Variants in ATP8B3 observed in about 807,000 individuals in gnomAD.
ATP8B3 encodes the protein phospholipid-transporting ATPase IK.
ATP8B3 carries 141 observed loss-of-function variants against 140.9 expected under a neutral mutation model. The observed-to-expected ratio is 1.00, with a 90% CI of 0.87 to 1.15. ATP8B3 has a LOEUF of 1.15. Ranked by LOEUF, ATP8B3 falls within the 50% of genes most tolerant of loss-of-function variation. ATP8B3 has a pLI of 0.00. For missense variants in ATP8B3, 1,874 were observed against 1,740.6 expected, an observed-to-expected ratio of 1.08 and a Z score of -1.36; for synonymous variants, 765 against 714.6, an observed-to-expected ratio of 1.07 and a Z score of -1.13.
Position 1,790,821 on chromosome 19 carries a change from T to TCA in ATP8B3, c.2312_2313dup (p.Asn772Ter). 6.2e-7 allele frequency: 1 copy of TCA among 1,601,134 alleles called. No individual in the cohort carries two copies. Among genetic ancestry groups the TCA allele is most frequent in the South Asian group, 1.1e-5 (1 of 88,680 alleles). On this transcript the variant is annotated frameshift_variant, in exon 21 of 29. Coordinates refer to ENST00000310127, the MANE Select transcript of ATP8B3 (RefSeq NM_138813.4). LOFTEE classifies it high-confidence loss of function. ...AGCAGCTCGCAGGCGAAGCCGATGT[T>TCA]CACAGCCGTTTCTGCGAAGCAGACC...
Position 1,811,811 on chromosome 19 carries a change from C to A in ATP8B3, c.-75G>T, listed in dbSNP as rs1327151488. ...TGGGACGGGGGAGAGGTGGGGGAGA[C>A]CCCCGTGGGGGCAGACTGGGGATTG... On this transcript the variant is annotated 5_prime_UTR_variant, in exon 2 of 29. Transcript: ENST00000310127. 58 of 1,455,312 alleles carry A rather than the reference C, an allele frequency of 4.0e-5. No homozygotes were observed. Among genetic ancestry groups the A allele is most frequent in the Non-Finnish European group, 5.0e-5 (55 of 1,097,752 alleles). 90.1% of individuals were successfully genotyped at this position (1,455,312 alleles called of 1,614,324 possible). A position where few individuals can be genotyped will look rare whatever the true frequency, so the allele number is the denominator to read the frequency against.
chr19:1,808,304 A>C lies in ATP8B3; in HGVS notation c.434T>G (p.Phe145Cys), dbSNP rs1374102714. ...CAGGTTCAGCGGCAGGAACGAGTAG[A>C]AGTTGTACTTGGCCGTGCGGATGAC... is the stretch of plus-strand genomic sequence containing the variant. ...TNVIRTAKYN[F>C]YSFLPLNLYE... is the part of the protein sequence containing the mutation. Residue 145 changes from phenylalanine (F) to cysteine (C), a missense_variant, in exon 5 of 29, where the codon TTC becomes TGC. Phe to Cys is a radical substitution (Grantham distance 205). Coordinates refer to ENST00000310127, the MANE Select transcript of ATP8B3 (RefSeq NM_138813.4). The C allele has an allele frequency of 1.9e-6, 3 of 1,612,798 alleles. No individual in the cohort carries two copies. The highest frequency in any genetic ancestry group is 2.5e-6 in the Non-Finnish European group (3 of 1,179,586).
chr19:1,810,215 C>T lies in ATP8B3; in HGVS notation c.310+407G>A, dbSNP rs543980913. Among the ~76,000 whole-genome samples the T allele has an allele frequency of 2.5e-3, 378 of 152,346 alleles. 2 individuals are homozygous for T. The highest frequency in any genetic ancestry group is 4.6e-3 in the Non-Finnish European group (316 of 68,032). ...AATGAGAATCCTAGGCAAGGCCTGA[C>T]GTGCAGGTCTGGGGGCCCCAGCCCG... On this transcript the variant is annotated intron_variant, in intron 3 of 28. Coordinates refer to ENST00000310127, the MANE Select transcript of ATP8B3 (RefSeq NM_138813.4).
rs770194422 is a variant in ATP8B3, at chr19:1,802,479, AGCCG to A, written c.1063+4_1063+7del. The A allele has an allele frequency of 7.3e-7, 1 of 1,372,052 alleles. No homozygotes were observed. The highest frequency in any genetic ancestry group is 1.9e-5 in the African/African-American group (1 of 52,468). The allele number at this position is 1,372,052 out of a possible 1,614,324, so 85.0% of individuals were successfully genotyped here. A position where few individuals can be genotyped will look rare whatever the true frequency, so the allele number is the denominator to read the frequency against. On this transcript the variant is annotated splice_donor_5th_base_variant and intron_variant, in intron 11 of 28. Transcript: ENST00000310127. ...AGCTCCCACTCCAGGACCCTGGAGC[AGCCG>A]TACCAGCATAAATGACCAGTCCATA...
Position 1,786,557 on chromosome 19 carries a change from C to T in ATP8B3, c.3153+546G>A, listed in dbSNP as rs558957715. Among the ~76,000 whole-genome samples, 31 of 136,798 alleles carry T rather than the reference C, an allele frequency of 2.3e-4. No individual in the cohort carries two copies. In the South Asian group the frequency reaches 7.3e-3, roughly 32 times the overall value. The allele number at this position is 136,798 out of a possible 152,430, so 89.7% of individuals were successfully genotyped here. A position where few individuals can be genotyped will look rare whatever the true frequency, so the allele number is the denominator to read the frequency against. On this transcript the variant is annotated intron_variant, in intron 25 of 28. Coordinates refer to ENST00000310127, the MANE Select transcript of ATP8B3 (RefSeq NM_138813.4). ...CTCCAGCCTGGGCGACAGAGCGAGA[C>T]CCTGTCTCAAAAAAAAAAAAAAAAA...
Position 1,789,586 on chromosome 19 carries a change from C to G in ATP8B3, c.2620G>C (p.Gly874Arg). The change falls in exon 23 of 29, where the codon GGG becomes CGG. Residue 874 changes from glycine (G) to arginine (R), a missense_variant. Physicochemically the swap from Gly to Arg is moderately radical, Grantham distance 125 (BLOSUM62 -2). Coordinates refer to ENST00000310127, the MANE Select transcript of ATP8B3 (RefSeq NM_138813.4). Reference protein sequence around the residue: ...RRLSLLCRRFGLPLAAPPAQD... With the variant: ...RRLSLLCRRFRLPLAAPPAQD... ...GCTGGCGGTGCAGCCAGCGGGAGCC[C>G]GAACCTCCGGCACAGCAGGGACAGG... The G allele has an allele frequency of 2.5e-6, 4 of 1,592,994 alleles. No individual in the cohort carries two copies. The highest frequency in any genetic ancestry group is 3.4e-6 in the Non-Finnish European group (4 of 1,174,978).
chr19:1,794,363 C>G lies in ATP8B3; in HGVS notation c.2055+1512G>C, dbSNP rs1276509728. Among the ~76,000 whole-genome samples, 6 of 152,176 alleles carry G rather than the reference C, an allele frequency of 3.9e-5. No individual in the cohort carries two copies. Among genetic ancestry groups the G allele is most frequent in the African/African-American group, 1.4e-4 (6 of 41,446 alleles). Reference sequence around the variant, plus strand: ...AGCTGACCTGCTGAGCTCCTGGGCTCTAGGTCATTATTGTGACCGCACTTC... The same window carrying G: ...AGCTGACCTGCTGAGCTCCTGGGCTGTAGGTCATTATTGTGACCGCACTTC... On this transcript the variant is annotated intron_variant, in intron 18 of 28. Coordinates refer to ENST00000310127, the MANE Select transcript of ATP8B3 (RefSeq NM_138813.4). This position sits in a 1 kb window ranked among gnomAD's most constrained non-coding sequence, Gnocchi z 4.8.
chr19:1,785,035 G>A, intron 27 of ATP8B3, 89 bp from the exon 28 acceptor site: 1 of 1,508,982 alleles, frequency 6.6e-7, no homozygotes, highest in East Asian at 2.4e-5. Flanking sequence ...TTTGTGCCTG[G>A]TCCATAAAGG....
chr19:1,796,115 A>C lies in ATP8B3; in HGVS notation c.1904T>G (p.Met635Arg), dbSNP rs61749070. The C allele has an allele frequency of 3.7e-6, 6 of 1,612,874 alleles. No individual in the cohort carries two copies. The African/African-American group carries it at 6.7e-5, about 18-fold the overall frequency. Residue 635 changes from methionine (M) to arginine (R), a missense_variant, in exon 17 of 29, where the codon ATG becomes AGG. Around this residue, in one of 3 missense-constraint regions of ATP8B3, gnomAD observed 1,032 missense variants for 963.6 expected, o/e 1.07. Coordinates refer to ENST00000310127, the MANE Select transcript of ATP8B3 (RefSeq NM_138813.4). ...EERVYQVLAIMDFNSTRKRMS... is the reference protein window; with the variant it reads ...EERVYQVLAIRDFNSTRKRMS... ...CCGTTTGCGCGTGCTGTTGAAGTCC[A>C]TTATGGCCAGGACCTGGTAGACCCG...
Position 1,783,119 on chromosome 19 carries a change from C to T in ATP8B3, c.3812G>A (p.Arg1271Gln), listed in dbSNP as rs537116654. Residue 1271 changes from arginine (R) to glutamine (Q), a missense_variant, in exon 29 of 29, where the codon CGG (arginine) becomes CAG (glutamine). By Grantham distance (43) the Arg-to-Gln change is conservative. Coordinates refer to ENST00000310127, the MANE Select transcript of ATP8B3 (RefSeq NM_138813.4). Reference sequence around the variant, plus strand: ...GTCACTGCTGACCCCTGGTCCCCTCCGCAGAATTGTGCCCTGAGTGATGAG... The same window carrying T: ...GTCACTGCTGACCCCTGGTCCCCTCTGCAGAATTGTGCCCTGAGTGATGAG... ...ANLITQGTIL[R>Q]RGPGVSSDIA... 1.4e-5 allele frequency: 22 copies of T among 1,613,542 alleles called. No individual in the cohort carries two copies. Among genetic ancestry groups the T allele is most frequent in the African/African-American group, 8.0e-5 (6 of 74,922 alleles).
In ATP8B3 at chr19:1,805,066, C is replaced by T; in HGVS notation, c.904+308G>A. 2.5e-6 allele frequency: 1 copy of T among 404,988 alleles called. No homozygotes were observed. Among genetic ancestry groups the T allele is most frequent in the Non-Finnish European group, 4.7e-6 (1 of 212,840 alleles). 25.1% of individuals were successfully genotyped at this position (404,988 alleles called of 1,614,324 possible). A position where few individuals can be genotyped will look rare whatever the true frequency, so the allele number is the denominator to read the frequency against. On this transcript the variant is annotated intron_variant, in intron 10 of 28. Transcript: ENST00000310127. The surrounding 1 kb of genome is among the most constrained non-coding windows in gnomAD (Gnocchi z 5.2). Reference sequence around the variant, plus strand: ...CACAGCTCACTGCAGCCTCAGCCTCCCTGAGCTCAAGCGAGCCTCCCACCT... The same window carrying T: ...CACAGCTCACTGCAGCCTCAGCCTCTCTGAGCTCAAGCGAGCCTCCCACCT...
In ATP8B3 at chr19:1,794,703, A is replaced by G. The variant is rs2068614648; in HGVS notation, c.2055+1172T>C. On this transcript the variant is annotated intron_variant, in intron 18 of 28. Coordinates refer to ENST00000310127, the MANE Select transcript of ATP8B3 (RefSeq NM_138813.4). The surrounding 1 kb of genome is among the most constrained non-coding windows in gnomAD (Gnocchi z 4.8). ...GCAGGGAAGACCCTCCCAGCACAGGAAACAGCATGTGCAAAGGTGCCAAGG... is the reference window on the plus strand; with the variant it reads ...GCAGGGAAGACCCTCCCAGCACAGGGAACAGCATGTGCAAAGGTGCCAAGG... Among the ~76,000 whole-genome samples, 6 of 152,136 alleles carry G rather than the reference A, an allele frequency of 3.9e-5. No homozygotes were observed. In the South Asian group the frequency reaches 1.0e-3, roughly 26 times the overall value.
In ATP8B3 at chr19:1,806,039, G is replaced by C; in HGVS notation, c.750+58C>G. ...GCGGCAGCCCTCCCCACCCTGGGAG[G>C]GGTGCTCTCGGTGAGGGGGCGCGTG... On this transcript the variant is annotated intron_variant, in intron 8 of 28. Transcript: ENST00000310127. The surrounding 1 kb of genome is among the most constrained non-coding windows in gnomAD (Gnocchi z 5.6). The C allele has an allele frequency of 6.2e-7, 1 of 1,605,968 alleles. No individual in the cohort carries two copies. The highest frequency in any genetic ancestry group is 1.3e-5 in the African/African-American group (1 of 74,760).
rs982257336 is a variant in ATP8B3, at chr19:1,810,609, C to A, written c.310+13G>T. The stretch of plus-strand genomic sequence containing the variant: ...CTCCCACCTGCACCGCCCCCTCTGC[C>A]CAGGATCAGCACCTGAGTTCCTGTC... On this transcript the variant is annotated intron_variant, in intron 3 of 28. Coordinates refer to ENST00000310127, the MANE Select transcript of ATP8B3 (RefSeq NM_138813.4). 1 of 1,612,026 alleles carries A rather than the reference C, an allele frequency of 6.2e-7. No homozygotes were observed. Among genetic ancestry groups the A allele is most frequent in the African/African-American group, 1.3e-5 (1 of 74,840 alleles).
chr19:1,805,520 C>A lies in ATP8B3; in HGVS notation c.822-64G>T. The A allele has an allele frequency of 7.4e-7, 1 of 1,357,442 alleles. No homozygotes were observed. Among genetic ancestry groups the A allele is most frequent in the Admixed American group, 2.0e-5 (1 of 50,740 alleles). The allele number at this position is 1,357,442 out of a possible 1,614,324, so 84.1% of individuals were successfully genotyped here. ...ATGGATGCTTCGAGGAGCCCCCAGA[C>A]CCCTTCTGGAGTCACTCAAACATTT... On this transcript the variant is annotated intron_variant, in intron 9 of 28. Transcript: ENST00000310127. This position sits in a 1 kb window ranked among gnomAD's most constrained non-coding sequence, Gnocchi z 5.2.
At chr19:1,783,384 T>C in intron 28 of ATP8B3, 114 bp from the exon 29 acceptor site, 3 of 1,348,578 alleles carry the variant, frequency 2.2e-6, no homozygotes, top group Non-Finnish European at 3.0e-6. Flanking sequence ...ATTGATTGGC[T>C]ACGTTCTTCC....
chr19:1,801,484 C>T (rs1200041412), intron 12 of ATP8B3, among the ~76,000 whole-genome samples: 2 of 152,188 alleles, frequency 1.3e-5, no homozygotes. Context: ...GGCACGGTGG[C>T]TCATGCCTGT....
At position 1,789,532 on chromosome 19, in the gene ATP8B3, C is replaced by T. The variant is rs780406273; in HGVS notation, c.2674G>A (p.Glu892Lys). 3.8e-5 allele frequency: 61 copies of T among 1,597,774 alleles called. No individual in the cohort carries two copies. Among genetic ancestry groups the T allele is most frequent in the Non-Finnish European group, 4.8e-5 (57 of 1,178,596 alleles). ...ACGAAGGCGCGCTCCTGCAGCACCT[C>T]GGAGCTACGGCGGGCTCTGGAGTCC... ...AQDSRARRSSEVLQERAFVDL... is the reference protein window; with the variant it reads ...AQDSRARRSSKVLQERAFVDL... The change falls in exon 23 of 29, where the codon GAG becomes AAG. Residue 892 changes from glutamate to lysine, a missense_variant. By Grantham distance (56) the Glu-to-Lys change is moderately conservative (BLOSUM62 1). This residue lies in a region of ATP8B3 where 840 missense variants were observed against 760.9 expected (regional missense o/e 1.10). Coordinates refer to ENST00000310127, the MANE Select transcript of ATP8B3 (RefSeq NM_138813.4).
rs1442267278 is a variant in ATP8B3 at position 1,785,480 on chromosome 19, T to A, written c.3382A>T (p.Ile1128Phe). 6.2e-7 allele frequency: 1 copy of A among 1,612,734 alleles called. No individual in the cohort carries two copies. The highest frequency in any genetic ancestry group is 1.7e-5 in the Admixed American group (1 of 60,018). The change falls in exon 26 of 29, where the codon ATC (isoleucine) becomes TTC (phenylalanine). Residue 1128 changes from isoleucine (I) to phenylalanine (F), a missense_variant. Ile to Phe is a conservative substitution (Grantham distance 21). This residue lies in a region of ATP8B3 where 840 missense variants were observed against 760.9 expected (regional missense o/e 1.10). Coordinates refer to ENST00000310127, the MANE Select transcript of ATP8B3 (RefSeq NM_138813.4). The stretch of plus-strand genomic sequence containing the variant: ...AGGACCTTGCCCACCTCCATGGTGA[T>A]GGACAGCAGGCAAGACAGGGCCACC... ...VVVALSCLLS[I>F]TMEVILIIKY...
Sources: allele counts gnomAD v4.1 joint callset (sites outside exome capture counted in the v4.1 genomes callset), GRCh38; gene constraint gnomAD v4.1.1; regional missense constraint gnomAD v4.1.1; non-coding constraint Gnocchi (gnomAD v3.1); transcripts MANE v1.5; gene names NCBI Gene and HGNC (gene_info 2026-07-23, HGNC 2026-07-21).